DACH2: variants seen among roughly 807,000 people sequenced by gnomAD.
The protein encoded by DACH2 is dachshund homolog 2.
In DACH2, 17 loss-of-function variants were observed where a neutral mutation model predicts 35.8. The ratio of observed to expected loss-of-function variants is 0.48; its 90% confidence interval spans 0.33 to 0.71. The LOEUF is 0.71. DACH2 is among the 30% of genes least tolerant of loss of function. The pLI is 0.02. For missense variants in DACH2, 469 were observed against 472.7 expected, an observed-to-expected ratio of 0.99 and a Z score of 0.07; for synonymous variants, 195 against 177.3, an observed-to-expected ratio of 1.10 and a Z score of -0.79.
intron 3 of DACH2, among the ~76,000 whole-genome samples, chrX:86,608,615 C>A (rs927700938): frequency 4.5e-5 from 5 of 111,517 alleles, no homozygotes; most frequent in Non-Finnish European, 9.4e-5. Flanking sequence ...TTTAACATTT[C>A]TTGTAGAACA....
intron 1 of DACH2, among the ~76,000 whole-genome samples, chrX:86,366,566 A>G (rs867239355): frequency 9.0e-5 from 10 of 111,276 alleles, no homozygotes; most frequent in Middle Eastern, 4.7e-3. Context: ...ATCATTCCTA[A>G]TAACCCCACT....
chrX:86,517,709 C>T (rs943678361), intron 3 of DACH2, among the ~76,000 whole-genome samples: 4 of 111,516 alleles, frequency 3.6e-5, no homozygotes, highest in Non-Finnish European at 3.8e-5. Flanking sequence ...TGAGCCACCA[C>T]GCCTGACCCT....
At chrX:86,820,767 A>G (rs1050090702) in intron 11 of DACH2, among the ~76,000 whole-genome samples, 1 of 110,681 alleles carries the variant, frequency 9.0e-6, no homozygotes, top group Non-Finnish European at 1.9e-5. Context: ...ATTTTTATCA[A>G]TTCTCTCAAA....
chrX:86,651,269 T>C, intron 4 of DACH2, 102 bp downstream of exon 4: 1 of 900,245 alleles, frequency 1.1e-6, no homozygotes, highest in East Asian at 3.6e-5. Context: ...AAGTCTACTT[T>C]GGTTATAAAG....
At chrX:86,342,865 C>T (rs1485623021) in intron 1 of DACH2, among the ~76,000 whole-genome samples, 1 of 111,129 alleles carries the variant, frequency 9.0e-6, no homozygotes, top group African/African-American at 3.3e-5. Context: ...CCCTCAGCAG[C>T]CACCACCCTG....
intron 1 of DACH2, among the ~76,000 whole-genome samples, chrX:86,250,838 A>C (rs1249017781): frequency 9.0e-6 from 1 of 111,712 alleles, no homozygotes; most frequent in Non-Finnish European, 1.9e-5. Flanking sequence ...CTGGGTTGTT[A>C]CATCTGCTTT....
chrX:86,510,237 AC>A (rs1381225314), intron 2 of DACH2, among the ~76,000 whole-genome samples: 1 of 112,373 alleles, frequency 8.9e-6, no homozygotes, highest in Non-Finnish European at 1.9e-5. Context: ...ATGACATGAA[AC>A]AAAAATAAAT....
chrX:86,246,192 C>T (rs188152105), intron 1 of DACH2, among the ~76,000 whole-genome samples: 264 of 111,662 alleles, frequency 2.4e-3, no homozygotes, highest in Non-Finnish European at 2.8e-3. Flanking sequence ...ATCATATGAA[C>T]ATTGGCATCC....
chrX:86,767,739 A>G (rs1177188468), intron 7 of DACH2, among the ~76,000 whole-genome samples: 1 of 111,931 alleles, frequency 8.9e-6, no homozygotes, highest in Non-Finnish European at 1.9e-5. Context: ...AATTCCATTC[A>G]AAGAACTAGG....
chrX:86,235,318 T>G (rs1320022377), intron 1 of DACH2, among the ~76,000 whole-genome samples: 1 of 112,363 alleles, frequency 8.9e-6, no homozygotes, highest in Non-Finnish European at 1.9e-5. Context: ...TTGTCTAGTA[T>G]TCCACCATTT....
intron 11 of DACH2, chrX:86,829,778 T>C (rs972959143): frequency 2.7e-5 from 3 of 112,371 alleles, no homozygotes; most frequent in African/African-American, 9.7e-5. Context: ...CACATTTGTA[T>C]GTATCAAATT....
At chrX:86,179,367 C>T (rs1054475037) in intron 1 of DACH2, among the ~76,000 whole-genome samples, 2 of 111,853 alleles carry the variant, frequency 1.8e-5, no homozygotes, top group Non-Finnish European at 3.8e-5. Flanking sequence ...AATAACTTAT[C>T]TCCTGCCCTT....
At chrX:86,183,371 G>A (rs747827567) in intron 1 of DACH2, among the ~76,000 whole-genome samples, 4 of 112,087 alleles carry the variant, frequency 3.6e-5, no homozygotes, top group Non-Finnish European at 5.6e-5. Context: ...TTTATTGAGA[G>A]TGTTTAGCAT....
At chrX:86,208,667 C>T (rs1298977674) in intron 1 of DACH2, among the ~76,000 whole-genome samples, 2 of 111,303 alleles carry the variant, frequency 1.8e-5, no homozygotes, top group Non-Finnish European at 3.8e-5. Flanking sequence ...TGTATCTTTC[C>T]CTTTTATTTC....
chrX:86,398,340 C>A (rs201421778), intron 2 of DACH2, among the ~76,000 whole-genome samples: 19,165 of 107,153 alleles, frequency 0.18, 1,493 homozygotes, highest in Admixed American at 0.32. Context: ...AAAAAACCAG[C>A]TCCTGGATTC....
chrX:86,818,782 G>T (rs2042477751), intron 11 of DACH2, among the ~76,000 whole-genome samples: 1 of 109,800 alleles, frequency 9.1e-6, no homozygotes, highest in Admixed American at 9.8e-5. Context: ...AGCTCTCCTA[G>T]ATAGAAATCT....
At chrX:86,751,130 T>TTGGCACCAAAACCTGATACCAAAACC (rs2041768059) in intron 7 of DACH2, among the ~76,000 whole-genome samples, 1 of 110,954 alleles carries the variant, frequency 9.0e-6, no homozygotes, top group African/African-American at 3.3e-5. Flanking sequence ...ATACCAAAAC[T>TTGGCACCAAAACCTGATACCAAAACC]TGGCACCAAA....
chrX:86,589,753 C>G (rs1490267130), intron 3 of DACH2, among the ~76,000 whole-genome samples: 2 of 111,447 alleles, frequency 1.8e-5, no homozygotes, highest in Admixed American at 9.6e-5. Flanking sequence ...ATAGTTTTGC[C>G]TTTTCTGGAG....
chrX:86,476,046 A>T (rs186288156), intron 2 of DACH2, among the ~76,000 whole-genome samples: 1 of 112,056 alleles, frequency 8.9e-6, no homozygotes, highest in East Asian at 2.8e-4. Flanking sequence ...ATGATGAATG[A>T]TCTTTTAAAT....
Sources: allele counts gnomAD v4.1 joint callset (sites outside exome capture counted in the v4.1 genomes callset), GRCh38; gene constraint gnomAD v4.1.1; transcripts MANE v1.5; gene names NCBI Gene and HGNC (gene_info 2026-07-23, HGNC 2026-07-21).